The following PCSK1 variants were observed in gnomAD, a reference collection of about 807,000 sequenced individuals.
PCSK1 encodes proprotein convertase subtilisin/kexin type 1.
A neutral mutation model predicts 90.6 loss-of-function variants in PCSK1; 56 were observed. The observed-to-expected ratio is 0.62, with a 90% CI of 0.50 to 0.77. PCSK1 has a LOEUF of 0.77. Ranked by LOEUF, PCSK1 falls within the 30% of genes least tolerant of loss-of-function variation. The pLI is 0.00. For synonymous variants in PCSK1, 348 were observed against 342.4 expected, an observed-to-expected ratio of 1.02 and a Z score of -0.18; for missense variants, 801 against 932.6, an observed-to-expected ratio of 0.86 and a Z score of 1.84.
At position 96,415,878 on chromosome 5, in the gene PCSK1, G is replaced by A. The variant is rs77129335; in HGVS notation, c.709+155C>T. The stretch of plus-strand genomic sequence containing the variant: ...TCTAGGAATCCATATCTATTGACTC[G>A]CTGGCAAATCATATTCAAGTCCTGT... On this transcript the variant is annotated intron_variant, in intron 6 of 13. Transcript: ENST00000311106. Among the ~76,000 whole-genome samples the A allele has an allele frequency of 0.025, 3,738 of 151,708 alleles. 153 individuals are homozygous for A. The highest frequency in any genetic ancestry group is 0.086 in the African/African-American group (3,551 of 41,288).
At chr5:96,406,289 C>T (rs1334370835) in intron 9 of PCSK1, among the ~76,000 whole-genome samples, 1 of 152,130 alleles carries the variant, frequency 6.6e-6, no homozygotes, top group African/African-American at 2.4e-5. Flanking sequence ...ATTTTCACTG[C>T]TTGGACAATT....
Position 96,421,958 on chromosome 5 carries a change from T to G in PCSK1, c.544-2A>C. The G allele has an allele frequency of 8.4e-7, 1 of 1,192,724 alleles. No homozygotes were observed. The highest frequency in any genetic ancestry group is 1.2e-6 in the Non-Finnish European group (1 of 844,434). 73.9% of individuals were successfully genotyped at this position (1,192,724 alleles called of 1,614,324 possible). A position where few individuals can be genotyped will look rare whatever the true frequency, so the allele number is the denominator to read the frequency against. On this transcript the variant is annotated splice_acceptor_variant, in intron 4 of 13. Coordinates refer to ENST00000311106, the MANE Select transcript of PCSK1 (RefSeq NM_000439.5). LOFTEE classifies it high-confidence loss of function. ...AAAATCATAGCTAGCCTCTGGATCC[T>G]AAAGAGACAACAAAATATAACACTG...
Position 96,398,946 on chromosome 5 carries a change from T to G in PCSK1, c.1521A>C (p.Val507=). ...AATATTCAATTGTTGCTTCAAATTG[T>G]ACATGCTCCAGGGACTTGATAGCAT... ...QENAIKSLEH[V]QFEATIEYSR... is the part of the protein sequence containing the mutation. Residue 507 remains valine (V), a synonymous_variant, in exon 11 of 14, where the codon GTA becomes GTC. Coordinates refer to ENST00000311106, the MANE Select transcript of PCSK1 (RefSeq NM_000439.5). 6.2e-7 allele frequency: 1 copy of G among 1,612,926 alleles called. No individual in the cohort carries two copies. The highest frequency in any genetic ancestry group is 8.5e-7 in the Non-Finnish European group (1 of 1,178,884).
intron 5 of PCSK1, among the ~76,000 whole-genome samples, chr5:96,420,040 C>T (rs1761071180): frequency 1.3e-5 from 2 of 152,128 alleles, no homozygotes; most frequent in Non-Finnish European, 2.9e-5. Context: ...TAAGTCTCCT[C>T]AAGTGTCTGG....
intron 5 of PCSK1, among the ~76,000 whole-genome samples, chr5:96,421,458 C>T (rs933001236): frequency 2.6e-5 from 4 of 152,164 alleles, no homozygotes; most frequent in African/African-American, 9.7e-5. Flanking sequence ...CTGTAGCCAC[C>T]GTCAGAAGTT....
rs1002954960 is a variant in PCSK1 at position 96,390,877 on chromosome 5, G to A, written c.*2124C>T. ...TTTTATTTAAATATTAAAGCTTCTT[G>A]AGAGTGAACCTTTGGCTACAACCCA... On this transcript the variant is annotated 3_prime_UTR_variant, in exon 14 of 14. Coordinates refer to ENST00000311106, the MANE Select transcript of PCSK1 (RefSeq NM_000439.5). The A allele has an allele frequency of 2.0e-5, 3 of 152,582 alleles. No individual in the cohort carries two copies. Among genetic ancestry groups the A allele is most frequent in the African/African-American group, 7.2e-5 (3 of 41,430 alleles). 9.5% of individuals were successfully genotyped at this position (152,582 alleles called of 1,614,324 possible). A position where few individuals can be genotyped will look rare whatever the true frequency, so the allele number is the denominator to read the frequency against.
chr5:96,431,537 C>T (rs143057110), intron 1 of PCSK1, among the ~76,000 whole-genome samples: 1 of 152,220 alleles, frequency 6.6e-6, no homozygotes, highest in African/African-American at 2.4e-5. Context: ...TTCTTTCCCT[C>T]CTCTTATTCC....
intron 1 of PCSK1, chr5:96,432,240 C>A (rs1265791896): frequency 2.2e-6 from 2 of 925,100 alleles, no homozygotes; most frequent in South Asian, 1.6e-5. Flanking sequence ...GATAGATGGT[C>A]CCGTGTCTTT....
Position 96,392,637 on chromosome 5 carries a change from T to A in PCSK1, c.*364A>T, listed in dbSNP as rs1759982214. ...ACTCCTTCTCATTCTTTGCAGATTA[T>A]GTTTTCAAATTAATTGATATCCCAG... On this transcript the variant is annotated 3_prime_UTR_variant, in exon 14 of 14. Coordinates refer to ENST00000311106, the MANE Select transcript of PCSK1 (RefSeq NM_000439.5). 1 of 229,330 alleles carries A rather than the reference T, an allele frequency of 4.4e-6. No individual in the cohort carries two copies. Among genetic ancestry groups the A allele is most frequent in the African/African-American group, 2.3e-5 (1 of 43,218 alleles). 14.2% of individuals were successfully genotyped at this position (229,330 alleles called of 1,614,324 possible).
Position 96,392,129 on chromosome 5 carries a change from G to A in PCSK1, c.*872C>T, listed in dbSNP as rs1185009223. 6.6e-6 allele frequency: 1 copy of A among 151,234 alleles called. No individual in the cohort carries two copies. Among genetic ancestry groups the A allele is most frequent in the African/African-American group, 2.4e-5 (1 of 41,218 alleles). 9.4% of individuals were successfully genotyped at this position (151,234 alleles called of 1,614,324 possible). ...ATGTGATAAGTGGTTTCCTGTTACT[G>A]CTGAAAAAAATTGTGACTAGGAATT... On this transcript the variant is annotated 3_prime_UTR_variant, in exon 14 of 14. Coordinates refer to ENST00000311106, the MANE Select transcript of PCSK1 (RefSeq NM_000439.5).
chr5:96,419,440 T>C (rs886529642), intron 5 of PCSK1, among the ~76,000 whole-genome samples: 4 of 148,802 alleles, frequency 2.7e-5, no homozygotes, highest in Admixed American at 6.7e-5. Context: ...TCTCTCCCTC[T>C]CTCTCTCTAT....
intron 5 of PCSK1, among the ~76,000 whole-genome samples, chr5:96,419,817 A>C (rs1335534459): frequency 6.6e-6 from 1 of 152,112 alleles, no homozygotes; most frequent in Non-Finnish European, 1.5e-5. Flanking sequence ...AACAACTATT[A>C]TAAATGCTGT....
At chr5:96,432,306 T>C (rs1761532763) in intron 1 of PCSK1, 2 of 620,502 alleles carry the variant, frequency 3.2e-6, no homozygotes, top group East Asian at 2.8e-5. Flanking sequence ...CCCAACCTCC[T>C]GGTCGCGAGT....
rs11317408 is a variant in PCSK1 at position 96,421,993 on chromosome 5, TAAAAAAAA to T, written c.544-45_544-38del. 0.16 allele frequency: 54,937 copies of T among 353,494 alleles called. 1,567 individuals are homozygous for T. Among genetic ancestry groups the T allele is most frequent in the Non-Finnish European group, 0.18 (36,323 of 206,566 alleles). 21.9% of individuals were successfully genotyped at this position (353,494 alleles called of 1,614,324 possible). A position where few individuals can be genotyped will look rare whatever the true frequency, so the allele number is the denominator to read the frequency against. Reference sequence around the variant, plus strand: ...ACAAAATATAACACTGTGGCAGCATTAAAAAAAAAAAAAAAAAAAAAAAAAAGCATCAC... The same window carrying T: ...ACAAAATATAACACTGTGGCAGCATTAAAAAAAAAAAAAAAAAAGCATCAC... On this transcript the variant is annotated intron_variant, in intron 4 of 13. Coordinates refer to ENST00000311106, the MANE Select transcript of PCSK1 (RefSeq NM_000439.5).
At chr5:96,393,527 C>T in intron 13 of PCSK1, 149 bp from the exon 14 acceptor site, 1 of 949,182 alleles carries the variant, frequency 1.1e-6, no homozygotes, top group East Asian at 2.6e-5. Context: ...GCCACATGGA[C>T]TTGGGCTTCA....
intron 9 of PCSK1, among the ~76,000 whole-genome samples, chr5:96,404,977 A>G (rs190494204): frequency 4.2e-4 from 64 of 152,304 alleles, no homozygotes; most frequent in Admixed American, 4.1e-3. Context: ...TTCAGTCTCC[A>G]TAGTTGTTCC....
chr5:96,419,256 C>T (rs1393848949), intron 5 of PCSK1, among the ~76,000 whole-genome samples: 1 of 149,268 alleles, frequency 6.7e-6, no homozygotes, highest in Admixed American at 6.7e-5. Flanking sequence ...AAATAATCTA[C>T]CTCATTAAGT....
At chr5:96,431,190 GTC>G (rs1297463541) in intron 1 of PCSK1, among the ~76,000 whole-genome samples, 1 of 152,038 alleles carries the variant, frequency 6.6e-6, no homozygotes, top group Non-Finnish European at 1.5e-5. Context: ...CCCTCTTTGG[GTC>G]TCAAAAATTC....
chr5:96,431,112 C>T (rs949258957), intron 1 of PCSK1, among the ~76,000 whole-genome samples: 1 of 152,150 alleles, frequency 6.6e-6, no homozygotes, highest in African/African-American at 2.4e-5. Context: ...GTGTCCACCC[C>T]CATAGGTCAT....
Sources: allele counts gnomAD v4.1 joint callset (sites outside exome capture counted in the v4.1 genomes callset), GRCh38; gene constraint gnomAD v4.1.1; transcripts MANE v1.5; gene names NCBI Gene and HGNC (gene_info 2026-07-23, HGNC 2026-07-21).